The following NUP210 variants were observed in gnomAD, a reference collection of about 807,000 sequenced individuals.
The protein encoded by NUP210 is nuclear pore membrane glycoprotein 210.
In NUP210, 151 loss-of-function variants were observed where a neutral mutation model predicts 196.0. The ratio of observed to expected loss-of-function variants is 0.77; its 90% CI spans 0.67 to 0.88. NUP210 has a LOEUF of 0.88. Among genes scored for constraint, NUP210 ranks in the 40% least tolerant of loss-of-function variants. NUP210 has a pLI of 0.00. For missense variants in NUP210, 2,314 were observed against 2,493.7 expected (o/e 0.93, Z 1.53); for synonymous variants, 1,070 against 1,052.7 (o/e 1.02, Z -0.32).
intron 1 of NUP210, among the ~76,000 whole-genome samples, chr3:13,416,716 G>A (rs1045947315): frequency 4.6e-5 from 7 of 152,334 alleles, no homozygotes; most frequent in Non-Finnish European, 7.3e-5. Flanking sequence ...CAGCAGAAAG[G>A]TGCTCAGACA....
chr3:13,338,009 T>G (rs1697295725), intron 25 of NUP210, 92 bp from the exon 26 acceptor site: 1 of 1,223,854 alleles, frequency 8.2e-7, no homozygotes, highest in African/African-American at 1.5e-5. Context: ...AGGCTGCGGC[T>G]CAGAGTCTGT....
chr3:13,385,108 T>C (rs76331167), intron 6 of NUP210, among the ~76,000 whole-genome samples: 2 of 152,150 alleles, frequency 1.3e-5, no homozygotes, highest in Admixed American at 6.5e-5. Context: ...TGTCTTCAGT[T>C]TTTTTGTCCT....
rs778201851 is a variant in NUP210 at position 13,373,878 on chromosome 3, G to A, written c.1432-5C>T. Reference sequence around the variant, plus strand: ...GTTCCCACTGCCACCGTGGGCCTGCGGAGGAAAAGCCATCACAGGACCAGC... The same window carrying A: ...GTTCCCACTGCCACCGTGGGCCTGCAGAGGAAAAGCCATCACAGGACCAGC... On this transcript the variant is annotated splice_region_variant and splice_polypyrimidine_tract_variant and intron_variant, in intron 11 of 39. Coordinates refer to ENST00000254508, the MANE Select transcript of NUP210 (RefSeq NM_024923.4). 6.2e-6 allele frequency: 10 copies of A among 1,612,230 alleles called. No homozygotes were observed. In the South Asian group the frequency reaches 6.6e-5, roughly 11 times the overall value.
intron 16 of NUP210, among the ~76,000 whole-genome samples, chr3:13,357,120 A>C (rs1266982928): frequency 1.3e-5 from 2 of 152,226 alleles, no homozygotes; most frequent in Non-Finnish European, 2.9e-5. Flanking sequence ...TCCACCCACG[A>C]GTCTGCAAGA....
At chr3:13,345,105 T>A in intron 20 of NUP210, 3 of 985,356 alleles carry the variant, frequency 3.0e-6, no homozygotes, top group Non-Finnish European at 3.6e-6. Flanking sequence ...TACGAGCACA[T>A]CTTGATTGGA....
At chr3:13,360,600 G>T in intron 14 of NUP210, 109 bp from the exon 15 acceptor site, 1 of 755,794 alleles carries the variant, frequency 1.3e-6, no homozygotes, top group Non-Finnish European at 2.1e-6. Flanking sequence ...TGGTGGTCAG[G>T]CAAGCCCCAT....
intron 31 of NUP210, 32 bp downstream of exon 31, chr3:13,328,739 C>G (rs1410347263): frequency 6.2e-7 from 1 of 1,604,440 alleles, no homozygotes. Flanking sequence ...GACAGGACTT[C>G]ATAGGAGAAA....
intron 6 of NUP210, among the ~76,000 whole-genome samples, chr3:13,386,066 G>A (rs1699261861): frequency 6.6e-6 from 1 of 152,246 alleles, no homozygotes; most frequent in South Asian, 2.1e-4. Flanking sequence ...GGGAGTTAGT[G>A]TTTAACAATG....
intron 11 of NUP210, 91 bp from the exon 12 acceptor site, chr3:13,373,964 G>T: frequency 7.1e-7 from 1 of 1,411,106 alleles, no homozygotes; most frequent in Non-Finnish European, 9.8e-7. Context: ...GTGCATGCAC[G>T]TACTCACACT....
chr3:13,351,256 T>C (rs1037131337), intron 20 of NUP210, among the ~76,000 whole-genome samples: 1 of 151,994 alleles, frequency 6.6e-6, no homozygotes, highest in Non-Finnish European at 1.5e-5. Context: ...ACAGGAAAAA[T>C]AGAGAAAGGT....
Position 13,321,665 on chromosome 3 carries a change from C to A in NUP210, c.5086G>T (p.Ala1696Ser). The A allele has an allele frequency of 6.2e-7, 1 of 1,614,142 alleles. No individual in the cohort carries two copies. The highest frequency in any genetic ancestry group is 8.5e-7 in the Non-Finnish European group (1 of 1,180,034). ...PFSPGLFADQ[A>S]EILLSNHYTS... ...TAGTGGTTGCTCAAAAGGATTTCAG[C>A]CTGGTCGGCGAAGAGACCTGGGCTG... Residue 1696 changes from alanine (A) to serine (S), a missense_variant, in exon 36 of 40, where the codon GCT (alanine) becomes TCT (serine). Coordinates refer to ENST00000254508, the MANE Select transcript of NUP210 (RefSeq NM_024923.4).
intron 1 of NUP210, among the ~76,000 whole-genome samples, chr3:13,419,505 G>C (rs1306522343): frequency 1.3e-5 from 2 of 152,216 alleles, no homozygotes; most frequent in South Asian, 2.1e-4. Context: ...GCGCCGGCCT[G>C]CCTCGTCTCA....
intron 1 of NUP210, among the ~76,000 whole-genome samples, chr3:13,410,035 T>G (rs1451928915): frequency 4.2e-5 from 6 of 143,956 alleles, no homozygotes; most frequent in Non-Finnish European, 9.0e-5. Context: ...TTTTTTTTTT[T>G]TGTATTTTAG....
intron 20 of NUP210, 39 bp from the exon 21 acceptor site, chr3:13,343,342 G>GGTGGGGGGGGGGGGGGGGGT: frequency 1.5e-6 from 1 of 655,994 alleles, no homozygotes. Context: ...TGGGTGGTGG[G>GGTGGGGGGGGGGGGGGGGGT]TTACGCAGCT....
intron 26 of NUP210, 51 bp downstream of exon 26, chr3:13,337,786 C>T (rs1366173534): frequency 6.6e-7 from 1 of 1,525,556 alleles, no homozygotes. Flanking sequence ...GACAGGGTCC[C>T]AGCAGTGGCT....
At chr3:13,393,549 G>A (rs535024487) in intron 3 of NUP210, among the ~76,000 whole-genome samples, 2 of 152,342 alleles carry the variant, frequency 1.3e-5, no homozygotes, top group East Asian at 3.9e-4. Flanking sequence ...AGGGACCCTC[G>A]TTCATGCATG....
At position 13,391,375 on chromosome 3, in the gene NUP210, G is replaced by A; in HGVS notation, c.437-68C>T. The A allele has an allele frequency of 9.0e-6, 9 of 1,000,084 alleles. 1 individual carries two copies. The South Asian group carries it at 1.2e-4, about 14-fold the overall frequency. 62.0% of individuals were successfully genotyped at this position (1,000,084 alleles called of 1,614,324 possible). ...TTCCCAGGGTGGAGGGAGGCGTGATGGGAGCTTCTGCCCCATGCAGGAACC... is the reference window on the plus strand; with the variant it reads ...TTCCCAGGGTGGAGGGAGGCGTGATAGGAGCTTCTGCCCCATGCAGGAACC... On this transcript the variant is annotated intron_variant, in intron 3 of 39. Coordinates refer to ENST00000254508, the MANE Select transcript of NUP210 (RefSeq NM_024923.4).
rs370783906 is a variant in NUP210 at position 13,362,239 on chromosome 3, G to A, written c.1933-1748C>T. 3.3e-5 allele frequency among the ~76,000 whole-genome samples: 5 copies of A among 152,240 alleles called. No individual in the cohort carries two copies. The South Asian group carries it at 8.3e-4, about 25-fold the overall frequency. On this transcript the variant is annotated intron_variant, in intron 14 of 39. Coordinates refer to ENST00000254508, the MANE Select transcript of NUP210 (RefSeq NM_024923.4). ...AAAAACCTCTTCCACCCCTGCACGC[G>A]GTGGAAGGGTCATGCTAGCTCTCTG...
At chr3:13,328,384 A>G (rs1424274530) in intron 31 of NUP210, among the ~76,000 whole-genome samples, 1 of 152,234 alleles carries the variant, frequency 6.6e-6, no homozygotes. Context: ...TCTAAACCCC[A>G]GTTCTTTCCA....
Sources: allele counts gnomAD v4.1 joint callset (sites outside exome capture counted in the v4.1 genomes callset), GRCh38; gene constraint gnomAD v4.1.1; transcripts MANE v1.5; gene names NCBI Gene and HGNC (gene_info 2026-07-23, HGNC 2026-07-21).